The following S100PBP variants were observed in gnomAD, a reference collection of about 807,000 sequenced individuals.
S100PBP encodes the protein S100P-binding protein.
A neutral mutation model predicts 39.9 loss-of-function variants in S100PBP; 15 were observed. That is an observed-to-expected ratio of 0.38 (90% confidence interval 0.25 to 0.58). The LOEUF (loss-of-function observed/expected upper bound fraction) is 0.58. Ranked by LOEUF, S100PBP falls within the 20% of genes least tolerant of loss-of-function variation. The pLI is 0.70. For synonymous variants in S100PBP, 178 were observed against 180.3 expected (o/e 0.99, Z 0.10); for missense variants, 504 against 487.3 (o/e 1.03, Z -0.32).
chr1:32,857,227 G>A lies in S100PBP; in HGVS notation c.*1189G>A, dbSNP rs1475883243. ...TAGTTGTGACAGCCTATGCACAAAA[G>A]CATTACCTGATCTTAAGGTTTGGTA... On this transcript the variant is annotated 3_prime_UTR_variant, in exon 7 of 7. Coordinates refer to ENST00000373475, the MANE Select transcript of S100PBP (RefSeq NM_022753.4). 6.6e-6 allele frequency: 1 copy of A among 152,214 alleles called. No individual in the cohort carries two copies. The highest frequency in any genetic ancestry group is 1.5e-5 in the Non-Finnish European group (1 of 68,044). 9.4% of individuals were successfully genotyped at this position (152,214 alleles called of 1,614,324 possible). A position where few individuals can be genotyped will look rare whatever the true frequency, so the allele number is the denominator to read the frequency against.
In S100PBP at chr1:32,829,986, C is replaced by T. The variant is rs1639521331; in HGVS notation, c.943C>T (p.Gln315Ter). 6.2e-7 allele frequency: 1 copy of T among 1,613,644 alleles called. No individual in the cohort carries two copies. Among genetic ancestry groups the T allele is most frequent in the Admixed American group, 1.7e-5 (1 of 59,978 alleles). The change falls in exon 5 of 7, where the codon CAG becomes TAG. Residue 315 changes from glutamine to a stop codon, truncating the protein, a stop_gained. Transcript: ENST00000373475. LOFTEE classifies it high-confidence loss of function. ...KTRTNVPTFS[Q>*]SNLEQQKQLY... ...AAGGACTAATGTTCCGACGTTTTCA[C>T]AGTCAAATCTAGAACAGCAGAAGCA...
chr1:32,822,380 A>T (rs965698341), intron 1 of S100PBP, among the ~76,000 whole-genome samples: 1 of 152,210 alleles, frequency 6.6e-6, no homozygotes, highest in African/African-American at 2.4e-5. Flanking sequence ...TGGGAGGCCG[A>T]GGCGGGCGGA....
intron 6 of S100PBP, 93 bp from the exon 7 acceptor site, chr1:32,855,831 C>A: frequency 6.2e-6 from 4 of 643,996 alleles, no homozygotes; most frequent in East Asian, 3.0e-5. Context: ...AAGTAAAGAT[C>A]TTCTTAAAAT....
chr1:32,818,523 A>G (rs1473287259), intron 1 of S100PBP: 1 of 152,370 alleles, frequency 6.6e-6, no homozygotes, highest in African/African-American at 2.4e-5. Context: ...TGTATTTATT[A>G]GGGACTCCAA....
intron 1 of S100PBP, among the ~76,000 whole-genome samples, chr1:32,819,100 G>C (rs1638917262): frequency 1.3e-5 from 2 of 152,066 alleles, no homozygotes; most frequent in East Asian, 3.9e-4. Context: ...ACCAGTTTCT[G>C]AGGTTGCAAC....
intron 5 of S100PBP, among the ~76,000 whole-genome samples, chr1:32,838,031 G>T (rs957009907): frequency 6.6e-6 from 1 of 152,074 alleles, no homozygotes; most frequent in Non-Finnish European, 1.5e-5. Context: ...CATACGGTAG[G>T]TGTGTGTTTA....
At chr1:32,816,877 A>T (rs954289831), upstream of S100PBP, 2 of 547,576 alleles carry the variant, frequency 3.7e-6, no homozygotes, top group Non-Finnish European at 6.6e-6. Flanking sequence ...CAGGCCCTTG[A>T]CGTATCCCCA....
At chr1:32,818,281 T>A (rs923294234) in intron 1 of S100PBP, 2 of 152,232 alleles carry the variant, frequency 1.3e-5, no homozygotes, top group Non-Finnish European at 2.9e-5. Flanking sequence ...AGGCCCTTCC[T>A]GGAAGGCGAC....
chr1:32,830,661 T>C lies in S100PBP; in HGVS notation c.1024+594T>C, dbSNP rs571684876. ...TCATTCAGCCTGAACTATTGGCTGATGGGAAAGCTCCTAAAGGGGAGACTT... is the reference window on the plus strand; with the variant it reads ...TCATTCAGCCTGAACTATTGGCTGACGGGAAAGCTCCTAAAGGGGAGACTT... On this transcript the variant is annotated intron_variant, in intron 5 of 6. Coordinates refer to ENST00000373475, the MANE Select transcript of S100PBP (RefSeq NM_022753.4). Among the ~76,000 whole-genome samples the C allele has an allele frequency of 7.9e-5, 12 of 152,288 alleles. No homozygotes were observed. In the South Asian group the frequency reaches 2.5e-3, roughly 32 times the overall value.
intron 6 of S100PBP, among the ~76,000 whole-genome samples, chr1:32,854,492 C>T (rs1640746200): frequency 6.6e-6 from 1 of 152,118 alleles, no homozygotes; most frequent in East Asian, 1.9e-4. Context: ...TTGGTTAAAT[C>T]CATGGATGTA....
intron 5 of S100PBP, among the ~76,000 whole-genome samples, chr1:32,845,096 C>G (rs536876534): frequency 5.1e-4 from 77 of 151,960 alleles, no homozygotes; most frequent in African/African-American, 1.7e-3. Flanking sequence ...GCGATCTTGG[C>G]TCACTGCAGG....
At chr1:32,823,587 A>G (rs1639184172) in intron 1 of S100PBP, among the ~76,000 whole-genome samples, 1 of 152,216 alleles carries the variant, frequency 6.6e-6, no homozygotes, top group Admixed American at 6.5e-5. Flanking sequence ...TATAATAGGT[A>G]TTTAGTATTT....
intron 1 of S100PBP, among the ~76,000 whole-genome samples, chr1:32,820,138 C>G (rs1450065835): frequency 7.5e-6 from 1 of 134,204 alleles, no homozygotes; most frequent in Non-Finnish European, 1.5e-5. Flanking sequence ...TCCTACCGTT[C>G]CTATGCTTTT....
chr1:32,819,284 A>G (rs1472782772), intron 1 of S100PBP, among the ~76,000 whole-genome samples: 2 of 152,238 alleles, frequency 1.3e-5, no homozygotes, highest in Non-Finnish European at 1.5e-5. Flanking sequence ...ATGAAGGGAT[A>G]TGGCCAGACA....
chr1:32,836,666 G>A, intron 5 of S100PBP: 1 of 734,736 alleles, frequency 1.4e-6, no homozygotes, highest in Non-Finnish European at 1.7e-6. Context: ...CTGTTCTACT[G>A]CTCCAATTTG....
chr1:32,820,022 G>T (rs1280938760), intron 1 of S100PBP, among the ~76,000 whole-genome samples: 1 of 151,954 alleles, frequency 6.6e-6, no homozygotes, highest in African/African-American at 2.4e-5. Context: ...CTGGTCTTCA[G>T]TGACAATATG....
At chr1:32,849,789 G>C (rs1388539822) in intron 5 of S100PBP, among the ~76,000 whole-genome samples, 1 of 152,208 alleles carries the variant, frequency 6.6e-6, no homozygotes, top group East Asian at 1.9e-4. Context: ...TCCTATGATA[G>C]TTTTATATTG....
chr1:32,821,447 G>A (rs1394209223), intron 1 of S100PBP, among the ~76,000 whole-genome samples: 1 of 151,588 alleles, frequency 6.6e-6, no homozygotes, highest in Non-Finnish European at 1.5e-5. Context: ...TCAGCCTCTC[G>A]AATAGCTGGG....
intron 5 of S100PBP, among the ~76,000 whole-genome samples, chr1:32,846,117 G>A (rs946329866): frequency 6.6e-6 from 1 of 152,144 alleles, no homozygotes; most frequent in Non-Finnish European, 1.5e-5. Context: ...AGCCTCCTGA[G>A]TAGCTGGGAC....
Sources: allele counts gnomAD v4.1 joint callset (sites outside exome capture counted in the v4.1 genomes callset), GRCh38; gene constraint gnomAD v4.1.1; transcripts MANE v1.5; gene names NCBI Gene and HGNC (gene_info 2026-07-23, HGNC 2026-07-21).